Variants in BDH1 observed in about 807,000 individuals in gnomAD.
BDH1 encodes the protein 3-hydroxybutyrate dehydrogenase 1, also known as D-beta-hydroxybutyrate dehydrogenase, mitochondrial.
In BDH1, 30 loss-of-function variants were observed where a neutral mutation model predicts 33.1. That is an observed-to-expected ratio of 0.91 (90% confidence interval 0.68 to 1.23). The LOEUF is 1.23. Ranked by LOEUF, BDH1 falls within the 50% of genes most tolerant of loss-of-function variation. The pLI is 0.00. For missense variants in BDH1, 443 were observed against 464.4 expected, an observed-to-expected ratio of 0.95 and a Z score of 0.42; for synonymous variants, 190 against 183.6, an observed-to-expected ratio of 1.03 and a Z score of -0.28.
intron 1 of BDH1, among the ~76,000 whole-genome samples, chr3:197,572,000 G>A (rs555073908): frequency 3.0e-4 from 46 of 152,304 alleles, no homozygotes; most frequent in African/African-American, 1.1e-3. Context: ...TGACTGAGTG[G>A]TTAGGTTAAA....
rs953786997 is a variant in BDH1 at position 197,523,164 on chromosome 3, A to T, written c.268-383T>A. 1 of 212,036 alleles carries T rather than the reference A, an allele frequency of 4.7e-6. No homozygotes were observed. The highest frequency in any genetic ancestry group is 2.3e-5 in the African/African-American group (1 of 43,738). The allele number at this position is 212,036 out of a possible 1,614,324, so 13.1% of individuals were successfully genotyped here. A position where few individuals can be genotyped will look rare whatever the true frequency, so the allele number is the denominator to read the frequency against. On this transcript the variant is annotated intron_variant, in intron 5 of 7. Transcript: ENST00000392379. The surrounding 1 kb of genome is among the most constrained non-coding windows in gnomAD (Gnocchi z 4.5). ...AGGGTTGCCAGATGCTTACATTTTT[A>T]AGCTAGTAATTGGGAAATCTCTTCA...
rs1579839420 is a variant in BDH1 at position 197,510,891 on chromosome 3, G to A, written c.*1004C>T. ...AAACCAGTAACAACTTATCCCCTTA[G>A]CCAGAGAGCACCTCCACACAAGTCT... is the stretch of plus-strand genomic sequence containing the variant. On this transcript the variant is annotated 3_prime_UTR_variant, in exon 8 of 8. Coordinates refer to ENST00000392379, the MANE Select transcript of BDH1 (RefSeq NM_203314.3). 6.6e-6 allele frequency: 1 copy of A among 152,238 alleles called. No homozygotes were observed. Among genetic ancestry groups the A allele is most frequent in the Middle Eastern group, 3.4e-3 (1 of 294 alleles). 9.4% of individuals were successfully genotyped at this position (152,238 alleles called of 1,614,324 possible).
intron 3 of BDH1, among the ~76,000 whole-genome samples, chr3:197,536,238 G>A (rs1715143443): frequency 6.6e-6 from 1 of 152,100 alleles, no homozygotes; most frequent in Non-Finnish European, 1.5e-5. Context: ...ATATTTGGGT[G>A]GGCCTATTTC....
chr3:197,514,513 G>C lies in BDH1; in HGVS notation c.410-97C>G. The C allele has an allele frequency of 7.3e-7, 1 of 1,369,426 alleles. No individual in the cohort carries two copies. The highest frequency in any genetic ancestry group is 2.5e-5 in the East Asian group (1 of 40,396). 84.8% of individuals were successfully genotyped at this position (1,369,426 alleles called of 1,614,324 possible). A position where few individuals can be genotyped will look rare whatever the true frequency, so the allele number is the denominator to read the frequency against. Reference sequence around the variant, plus strand: ...CCAGCCTCCTCTCTGCTTCTTTCCTGTGACTTCCCAGCCTCTCGCCCAGTG... The same window carrying C: ...CCAGCCTCCTCTCTGCTTCTTTCCTCTGACTTCCCAGCCTCTCGCCCAGTG... On this transcript the variant is annotated intron_variant, in intron 6 of 7. Coordinates refer to ENST00000392379, the MANE Select transcript of BDH1 (RefSeq NM_203314.3). This position sits in a 1 kb window ranked among gnomAD's most constrained non-coding sequence, Gnocchi z 4.2.
Position 197,522,549 on chromosome 3 carries a change from G to T in BDH1, c.409+91C>A. ...AAACAATAAGGAAGGGAGTGTGGTGGCAGGATGCCAGCCAGTGGAAGGTGG... is the reference window on the plus strand; with the variant it reads ...AAACAATAAGGAAGGGAGTGTGGTGTCAGGATGCCAGCCAGTGGAAGGTGG... On this transcript the variant is annotated intron_variant, in intron 6 of 7. Transcript: ENST00000392379. The surrounding 1 kb of genome is among the most constrained non-coding windows in gnomAD (Gnocchi z 4.8). 2 of 1,531,676 alleles carry T rather than the reference G, an allele frequency of 1.3e-6. No individual in the cohort carries two copies. The highest frequency in any genetic ancestry group is 8.9e-7 in the Non-Finnish European group (1 of 1,122,292). 94.9% of individuals were successfully genotyped at this position (1,531,676 alleles called of 1,614,324 possible).
chr3:197,563,759 G>T (rs112100909), intron 1 of BDH1, among the ~76,000 whole-genome samples: 20,893 of 152,044 alleles, frequency 0.14, 1,649 homozygotes, highest in African/African-American at 0.21. Flanking sequence ...CTTATTTAAA[G>T]GTCATGTTTA....
At chr3:197,563,750 T>C (rs956343139) in intron 1 of BDH1, among the ~76,000 whole-genome samples, 4 of 152,172 alleles carry the variant, frequency 2.6e-5, no homozygotes, top group African/African-American at 4.8e-5. Context: ...AATTCAAAGC[T>C]TATTTAAAGG....
At chr3:197,536,221 G>T (rs974919868) in intron 3 of BDH1, among the ~76,000 whole-genome samples, 2 of 152,100 alleles carry the variant, frequency 1.3e-5, no homozygotes, top group African/African-American at 4.8e-5. Context: ...TCAAAAATTG[G>T]TTGGGCATAT....
chr3:197,512,174 C>T lies in BDH1; in HGVS notation c.753G>A (p.Glu251=), dbSNP rs1037863518. 9 of 1,614,050 alleles carry T rather than the reference C, an allele frequency of 5.6e-6. No individual in the cohort carries two copies. The highest frequency in any genetic ancestry group is 7.6e-6 in the Non-Finnish European group (9 of 1,180,038). Residue 251 remains glutamate, a synonymous_variant, in exon 8 of 8, where the codon GAG becomes GAA. Transcript: ENST00000392379. ...FIAATSLYSP[E]SIQAIAKKMW... is the part of the protein sequence containing the mutation. The stretch of plus-strand genomic sequence containing the variant: ...TCTTCTTGGCGATGGCCTGAATGCT[C>T]TCAGGGCTGTAAAGGCTGGTGGCAG...
upstream of BDH1, among the ~76,000 whole-genome samples, chr3:197,559,198 C>T (rs1717182677): frequency 1.3e-5 from 2 of 152,026 alleles, no homozygotes; most frequent in Non-Finnish European, 2.9e-5. Context: ...TGGGGTTTCA[C>T]CATGTTGGCC....
chr3:197,536,509 G>C (rs1367514553), intron 3 of BDH1, among the ~76,000 whole-genome samples: 1 of 152,140 alleles, frequency 6.6e-6, no homozygotes, highest in Non-Finnish European at 1.5e-5. Flanking sequence ...ATAGATCTTT[G>C]ATTTCTTTCA....
rs1711900993 is a variant in BDH1 at position 197,510,682 on chromosome 3, AAGG to A, written c.*1210_*1212del. On this transcript the variant is annotated 3_prime_UTR_variant, in exon 8 of 8. Coordinates refer to ENST00000392379, the MANE Select transcript of BDH1 (RefSeq NM_203314.3). ...TGTGTGTGTGTGTGTACATGTGTGT[AAGG>A]TGTGTGTGTGTGTGTGTGTGTGTGT... 6.1e-4 allele frequency: 23 copies of A among 37,504 alleles called. No individual in the cohort carries two copies. Among genetic ancestry groups the A allele is most frequent in the South Asian group, 1.9e-3 (2 of 1,034 alleles). 2.3% of individuals were successfully genotyped at this position (37,504 alleles called of 1,614,324 possible). A position where few individuals can be genotyped will look rare whatever the true frequency, so the allele number is the denominator to read the frequency against.
chr3:197,547,446 C>A (rs1238012488), intron 2 of BDH1, among the ~76,000 whole-genome samples: 2 of 152,240 alleles, frequency 1.3e-5, no homozygotes, highest in African/African-American at 4.8e-5. Context: ...CCACCTGGGC[C>A]CAGAGGTCAG....
upstream of BDH1, among the ~76,000 whole-genome samples, chr3:197,556,872 C>T (rs1271026582): frequency 1.3e-5 from 2 of 152,144 alleles, no homozygotes; most frequent in African/African-American, 4.8e-5. Context: ...GAGAAGACAC[C>T]AGGACACATT....
intron 7 of BDH1, among the ~76,000 whole-genome samples, chr3:197,512,887 G>A (rs1712225729): frequency 6.6e-6 from 1 of 152,220 alleles, no homozygotes; most frequent in Non-Finnish European, 1.5e-5. Flanking sequence ...CCCTGGCGAT[G>A]GGGGTTGGAG....
chr3:197,522,701 G>A lies in BDH1; in HGVS notation c.348C>T (p.Ser116=). The part of the protein sequence containing the change: ...RLRTVQLNVC[S]SEEVEKVVEI... ...CCACCACTTTCTCCACCTCTTCGCTGCTGCAGACATTGAGCTGGACGGTTC... is the reference window on the plus strand; with the variant it reads ...CCACCACTTTCTCCACCTCTTCGCTACTGCAGACATTGAGCTGGACGGTTC... Residue 116 remains serine, a synonymous_variant, in exon 6 of 8, where the codon AGC becomes AGT. Coordinates refer to ENST00000392379, the MANE Select transcript of BDH1 (RefSeq NM_203314.3). This position sits in a 1 kb window ranked among gnomAD's most constrained non-coding sequence, Gnocchi z 4.8. 1 of 1,614,188 alleles carries A rather than the reference G, an allele frequency of 6.2e-7. No homozygotes were observed. The highest frequency in any genetic ancestry group is 8.5e-7 in the Non-Finnish European group (1 of 1,180,026).
chr3:197,534,652 A>G (rs963049363), intron 3 of BDH1, among the ~76,000 whole-genome samples: 3 of 152,232 alleles, frequency 2.0e-5, no homozygotes, highest in African/African-American at 7.2e-5. Flanking sequence ...AGAAACTGAC[A>G]AACTGTTTAT....
chr3:197,542,555 C>CTTTT (rs1715736310), intron 3 of BDH1, among the ~76,000 whole-genome samples: 1 of 104,406 alleles, frequency 9.6e-6, no homozygotes, highest in African/African-American at 4.6e-5. Context: ...CGGAGTTTTG[C>CTTTT]TCTTGTCGCC....
At chr3:197,567,603 C>T (rs1717475017) in intron 1 of BDH1, among the ~76,000 whole-genome samples, 1 of 152,144 alleles carries the variant, frequency 6.6e-6, no homozygotes. Flanking sequence ...GCTCTGACCA[C>T]CTTGGGCACA....
Sources: allele counts gnomAD v4.1 joint callset (sites outside exome capture counted in the v4.1 genomes callset), GRCh38; gene constraint gnomAD v4.1.1; non-coding constraint Gnocchi (gnomAD v3.1); transcripts MANE v1.5; gene names NCBI Gene and HGNC (gene_info 2026-07-23, HGNC 2026-07-21).